ZNF582: variants seen among roughly 807,000 people sequenced by gnomAD.
ZNF582 encodes zinc finger protein 582.
A neutral mutation model predicts 12.3 loss-of-function variants in ZNF582; 14 were observed. The observed-to-expected ratio is 1.14, with a 90% CI of 0.75 to 1.78. ZNF582 has a LOEUF of 1.78. Among genes scored for constraint, ZNF582 ranks in the 40% most tolerant of loss-of-function variants. The pLI is 0.00. For synonymous variants in ZNF582, 210 were observed against 207.2 expected, an observed-to-expected ratio of 1.01 and a Z score of -0.11; for missense variants, 567 against 616.5, an observed-to-expected ratio of 0.92 and a Z score of 0.85.
chr19:56,391,903 C>A lies in ZNF582; in HGVS notation c.-80-71G>T. The A allele has an allele frequency of 2.2e-6, 3 of 1,350,608 alleles. No homozygotes were observed. In the South Asian group the frequency reaches 3.6e-5, roughly 16 times the overall value. The allele number at this position is 1,350,608 out of a possible 1,614,324, so 83.7% of individuals were successfully genotyped here. ...GTTCCTAGAATGCCAAGTTACAAGT[C>A]CCCACCTGCTTGCCCTCTGCCCACC... On this transcript the variant is annotated intron_variant, in intron 1 of 4. Coordinates refer to ENST00000586929, the Ensembl canonical transcript of ZNF582.
chr19:56,388,752 C>A (rs1408982849), intron 4 of ZNF582, among the ~76,000 whole-genome samples: 1 of 152,184 alleles, frequency 6.6e-6, no homozygotes, highest in Admixed American at 6.5e-5. Context: ...CCTGCTTCAG[C>A]CTCCCAAGTA....
chr19:56,393,359 C>G (rs1217778999), exon 1 of ZNF582: 2 of 941,680 alleles, frequency 2.1e-6, no homozygotes, highest in Non-Finnish European at 2.9e-6. Flanking sequence ...CGTCTGCGTT[C>G]TTCTCAGGCC....
exon 1 of ZNF582, chr19:56,393,430 G>A (rs771589487): frequency 3.6e-6 from 2 of 555,232 alleles, no homozygotes; most frequent in South Asian, 2.8e-5. Flanking sequence ...GGAAAGCTCC[G>A]GAACCTCTCA....
At chr19:56,388,926 T>C (rs2041993203) in intron 4 of ZNF582, among the ~76,000 whole-genome samples, 2 of 152,178 alleles carry the variant, frequency 1.3e-5, no homozygotes, top group African/African-American at 2.4e-5. Context: ...CCCTAGTGTA[T>C]CTCTGTGTTC....
chr19:56,383,609 TTTGCTC>T (rs1230594495), exon 5 of ZNF582: 2 of 337,086 alleles, frequency 5.9e-6, no homozygotes, highest in Non-Finnish European at 1.1e-5. Context: ...AACTATAACT[TTTGCTC>T]TTGATAAAAT....
chr19:56,388,747 T>C (rs974865264), intron 4 of ZNF582, among the ~76,000 whole-genome samples: 5 of 152,098 alleles, frequency 3.3e-5, no homozygotes, highest in Non-Finnish European at 5.9e-5. Context: ...ATTCTCCTGC[T>C]TCAGCCTCCC....
At position 56,385,671 on chromosome 19, in the gene ZNF582, T is replaced by TAAAAA. The variant is rs79502192; in HGVS notation, c.233-492_233-488dup. On this transcript the variant is annotated intron_variant, in intron 4 of 4. Transcript: ENST00000586929. The stretch of plus-strand genomic sequence containing the variant: ...CAACTTGGGTGACAGAGGGAGACTT[T>TAAAAA]AAAAAAAAAAAAAAAAGAGTTGGTG... Among the ~76,000 whole-genome samples the TAAAAA allele has an allele frequency of 1.5e-5, 2 of 135,458 alleles. 1 individual carries two copies. The highest frequency in any genetic ancestry group is 1.5e-4 in the Admixed American group (2 of 13,586). 88.9% of individuals were successfully genotyped at this position (135,458 alleles called of 152,430 possible).
At chr19:56,390,285 C>G (rs979703739) in intron 3 of ZNF582, 90 bp downstream of exon 3, 1 of 1,585,078 alleles carries the variant, frequency 6.3e-7, no homozygotes, top group African/African-American at 1.3e-5. Flanking sequence ...AAATGACCAA[C>G]CAATCATAAG....
chr19:56,391,572 G>C (rs1310372968), intron 2 of ZNF582, among the ~76,000 whole-genome samples, 172 bp downstream of exon 2: 1 of 152,226 alleles, frequency 6.6e-6, no homozygotes, highest in Non-Finnish European at 1.5e-5. Flanking sequence ...ATGCTATAGA[G>C]AATAAATCTG....
At chr19:56,393,195 G>A in intron 1 of ZNF582, 25 bp downstream of exon 1, 1 of 1,266,526 alleles carries the variant, frequency 7.9e-7, no homozygotes, top group Non-Finnish European at 1.0e-6. Flanking sequence ...CAATTTCAGG[G>A]GGTCGGAGAC....
At chr19:56,383,610 T>C in exon 5 of ZNF582, 1 of 339,560 alleles carries the variant, frequency 2.9e-6, no homozygotes, top group Non-Finnish European at 5.2e-6. Flanking sequence ...ACTATAACTT[T>C]TGCTCTTGAT....
chr19:56,384,211 C>G, exon 5 of ZNF582: 1 of 1,611,082 alleles, frequency 6.2e-7, no homozygotes, highest in Non-Finnish European at 8.5e-7. Flanking sequence ...GTTTGAAGGC[C>G]CTACCACATA....
rs773830502 is a variant in ZNF582 at position 56,391,845 on chromosome 19, A to G, written c.-80-13T>C. On this transcript the variant is annotated splice_polypyrimidine_tract_variant and intron_variant, in intron 1 of 4. Coordinates refer to ENST00000586929, the Ensembl canonical transcript of ZNF582. ...TGCGACGGTAGAGCTGGGGGAGGAA[A>G]GAGCAAACATGAGAGGCTAGGCTTG... The G allele has an allele frequency of 1.2e-6, 2 of 1,612,100 alleles. No homozygotes were observed. The highest frequency in any genetic ancestry group is 3.3e-5 in the Admixed American group (2 of 60,006).
At chr19:56,389,936 A>G (rs762877477) in intron 4 of ZNF582, 65 bp downstream of exon 4, 12 of 1,342,250 alleles carry the variant, frequency 8.9e-6, no homozygotes, top group Non-Finnish European at 1.3e-5. Flanking sequence ...TCTAAGACAA[A>G]GGGCCACTTC....
At chr19:56,391,711 G>A (rs779738497) in intron 2 of ZNF582, 33 bp downstream of exon 2, 12 of 1,598,738 alleles carry the variant, frequency 7.5e-6, no homozygotes, top group Middle Eastern at 1.7e-4. Flanking sequence ...TCAAGATAAG[G>A]AAAGCAAATA....
exon 5 of ZNF582, chr19:56,384,032 T>C: frequency 6.2e-7 from 1 of 1,613,388 alleles, no homozygotes; most frequent in Non-Finnish European, 8.5e-7. Context: ...AGTTGAATCA[T>C]GACTCAAGGT....
At position 56,393,235 on chromosome 19, in the gene ZNF582, A is replaced by C. The variant is rs966359729; in HGVS notation, c.-96T>G. 3 of 1,253,912 alleles carry C rather than the reference A, an allele frequency of 2.4e-6. No individual in the cohort carries two copies. In the African/African-American group the frequency reaches 4.7e-5, roughly 20 times the overall value. The allele number at this position is 1,253,912 out of a possible 1,614,324, so 77.7% of individuals were successfully genotyped here. On this transcript the variant is annotated 5_prime_UTR_variant, in exon 1 of 5. Transcript: ENST00000586929. ...GCGCACCCACCTAAGGGGTCCATGC[A>C]CCTGGGCTATGAGGCTGGAAGCAGA...
At chr19:56,384,327 C>T in exon 5 of ZNF582, 2 of 1,612,942 alleles carry the variant, frequency 1.2e-6, no homozygotes, top group Non-Finnish European at 1.7e-6. Flanking sequence ...TAGGGTTTCT[C>T]ACCGGTATGA....
At chr19:56,384,477 T>C (rs758178460) in exon 5 of ZNF582, 1 of 1,605,530 alleles carries the variant, frequency 6.2e-7, no homozygotes, top group East Asian at 2.2e-5. Context: ...CCACATTCCT[T>C]GCATGCATAG....
Sources: gnomAD v4.1 joint callset for allele counts (sites outside exome capture counted in the v4.1 genomes callset) on GRCh38, gnomAD v4.1.1 for gene constraint, MANE v1.5 for transcripts, NCBI Gene and HGNC (gene_info 2026-07-23, HGNC 2026-07-21) for gene names.